The following PDE4D variants were observed in gnomAD, a reference collection of about 807,000 sequenced individuals.
PDE4D encodes phosphodiesterase 4D.
A neutral mutation model predicts 87.4 loss-of-function variants in PDE4D; 24 were observed. The ratio of observed to expected loss-of-function variants is 0.27; its 90% CI spans 0.20 to 0.39. PDE4D has a LOEUF of 0.39. PDE4D is among the 10% of genes least tolerant of loss of function. The probability of loss-of-function intolerance (pLI) is 1.00; values close to 1 mark genes in which losing one functional copy is unlikely to be tolerated. For synonymous variants in PDE4D, 384 were observed against 383.2 expected, an observed-to-expected ratio of 1.00 and a Z score of -0.02; for missense variants, 714 against 1,041.0, an observed-to-expected ratio of 0.69 and a Z score of 4.32.
intron 3 of PDE4D, among the ~76,000 whole-genome samples, chr5:59,981,142 C>T (rs1167917632): frequency 6.6e-6 from 1 of 152,072 alleles, no homozygotes; most frequent in African/African-American, 2.4e-5. Context: ...GTCTCAGCTA[C>T]TTGGGAGGCT....
chr5:59,008,217 T>A (rs1270252134), intron 6 of PDE4D, among the ~76,000 whole-genome samples: 1 of 152,026 alleles, frequency 6.6e-6, no homozygotes, highest in Non-Finnish European at 1.5e-5. Context: ...GAAAAAGTAT[T>A]GTCTCCTTAT....
intron 1 of PDE4D, among the ~76,000 whole-genome samples, chr5:60,431,619 T>C (rs1475440991): frequency 7.1e-6 from 1 of 141,538 alleles, no homozygotes. Context: ...GCTCCTCACG[T>C]CCCAGACGAT....
At chr5:59,486,035 T>A (rs185866584) in intron 1 of PDE4D, among the ~76,000 whole-genome samples, 1 of 152,252 alleles carries the variant, frequency 6.6e-6, no homozygotes, top group East Asian at 1.9e-4. Context: ...TTGTAGAGAA[T>A]GATCAACTCC....
In PDE4D at chr5:58,972,046, TA is replaced by T. The variant is rs1348876306; in HGVS notation, c.*2617del. The T allele has an allele frequency of 6.6e-6, 1 of 152,612 alleles. No individual in the cohort carries two copies. Among genetic ancestry groups the T allele is most frequent in the Non-Finnish European group, 1.5e-5 (1 of 68,040 alleles). The allele number at this position is 152,612 out of a possible 1,614,324, so 9.5% of individuals were successfully genotyped here. A position where few individuals can be genotyped will look rare whatever the true frequency, so the allele number is the denominator to read the frequency against. On this transcript the variant is annotated 3_prime_UTR_variant, in exon 15 of 15. Transcript: ENST00000340635. ...GAGCCTCTCTTTATTAGTGCAGTTA[TA>T]AACCCTTTACCCTTTCAGGTCTGGA...
chr5:59,694,297 C>T (rs1474833810), intron 1 of PDE4D, among the ~76,000 whole-genome samples: 1 of 152,114 alleles, frequency 6.6e-6, no homozygotes, highest in African/African-American at 2.4e-5. Flanking sequence ...GAGTTATACA[C>T]CAGGTTGGCC....
intron 1 of PDE4D, among the ~76,000 whole-genome samples, chr5:59,287,753 A>G (rs1345120578): frequency 6.6e-6 from 1 of 152,156 alleles, no homozygotes; most frequent in African/African-American, 2.4e-5. Context: ...AGACAGACAG[A>G]CAGACTGAGA....
At chr5:59,836,954 A>G (rs1742213989) in intron 1 of PDE4D, among the ~76,000 whole-genome samples, 1 of 151,770 alleles carries the variant, frequency 6.6e-6, no homozygotes, top group South Asian at 2.1e-4. Flanking sequence ...TCTTCCCCCT[A>G]CATTCTGTCT....
chr5:60,518,639 C>T (rs1372224928), intron 1 of PDE4D, among the ~76,000 whole-genome samples: 1 of 152,152 alleles, frequency 6.6e-6, no homozygotes, highest in Admixed American at 6.5e-5. Flanking sequence ...TGCGTGAACT[C>T]CCACAGCCTT....
rs558246830 is a variant in PDE4D at position 59,409,418 on chromosome 5, G to A, written c.456-193450C>T. On this transcript the variant is annotated intron_variant, in intron 1 of 14. Coordinates refer to ENST00000340635, the MANE Select transcript of PDE4D (RefSeq NM_001104631.2). ...CCAAGGGCGGAATGATACAGTTTGGGTGTCCCCTCCAAATCTCATATTGGG... is the reference window on the plus strand; with the variant it reads ...CCAAGGGCGGAATGATACAGTTTGGATGTCCCCTCCAAATCTCATATTGGG... 3.5e-4 allele frequency among the ~76,000 whole-genome samples: 54 copies of A among 152,230 alleles called. No homozygotes were observed. The South Asian group carries it at 5.8e-3, about 16-fold the overall frequency.
At chr5:59,460,547 A>G (rs987623145) in intron 1 of PDE4D, among the ~76,000 whole-genome samples, 4 of 152,192 alleles carry the variant, frequency 2.6e-5, no homozygotes, top group African/African-American at 9.6e-5. Context: ...AACATGACCT[A>G]GATAGCTCAT....
intron 1 of PDE4D, among the ~76,000 whole-genome samples, chr5:60,386,512 C>T (rs1205018730): frequency 6.6e-6 from 1 of 152,192 alleles, no homozygotes; most frequent in Non-Finnish European, 1.5e-5. Context: ...TAATTGCCCT[C>T]CTAAGACTCT....
chr5:60,504,262 A>ATTT (rs5868243), intron 1 of PDE4D, among the ~76,000 whole-genome samples: 3 of 148,844 alleles, frequency 2.0e-5, no homozygotes, highest in South Asian at 2.1e-4. Flanking sequence ...GTCTTTATGC[A>ATTT]TTTTTTTTTT....
At chr5:60,038,270 A>C (rs185242908) in intron 2 of PDE4D, among the ~76,000 whole-genome samples, 1 of 152,296 alleles carries the variant, frequency 6.6e-6, no homozygotes, top group Admixed American at 6.5e-5. Flanking sequence ...CTAATGTTTA[A>C]GTCTGTAATC....
At chr5:59,518,859 C>T (rs888044918) in intron 1 of PDE4D, among the ~76,000 whole-genome samples, 3 of 152,178 alleles carry the variant, frequency 2.0e-5, no homozygotes, top group African/African-American at 7.2e-5. Context: ...TATATCACAA[C>T]TATAAATGGA....
chr5:60,133,525 C>T (rs1339919515), intron 2 of PDE4D, among the ~76,000 whole-genome samples: 3 of 151,948 alleles, frequency 2.0e-5, no homozygotes, highest in African/African-American at 4.8e-5. Flanking sequence ...ATCTATGACA[C>T]AGAGATAACC....
chr5:59,265,511 A>G (rs1360490567), intron 1 of PDE4D, among the ~76,000 whole-genome samples: 1 of 152,078 alleles, frequency 6.6e-6, no homozygotes, highest in Non-Finnish European at 1.5e-5. Flanking sequence ...TCACATTTAG[A>G]GTTCTTGATT....
At chr5:60,141,655 G>C (rs1002388808) in intron 2 of PDE4D, among the ~76,000 whole-genome samples, 1 of 152,090 alleles carries the variant, frequency 6.6e-6, no homozygotes, top group South Asian at 2.1e-4. Context: ...CAGAATTCCT[G>C]CTCAGCAACT....
At chr5:60,393,194 G>A (rs138515084) in intron 1 of PDE4D, among the ~76,000 whole-genome samples, 236 of 152,258 alleles carry the variant, frequency 1.5e-3, no homozygotes, top group Non-Finnish European at 2.3e-3. Context: ...TGAGCCTCAA[G>A]ACACAACCAA....
At chr5:59,755,683 T>TAA (rs200181362) in intron 1 of PDE4D, among the ~76,000 whole-genome samples, 3 of 151,778 alleles carry the variant, frequency 2.0e-5, no homozygotes, top group African/African-American at 7.3e-5. Context: ...TAGAAGGTCA[T>TAA]AAAAAAAATC....
Sources: gnomAD v4.1 joint callset for allele counts (sites outside exome capture counted in the v4.1 genomes callset) on GRCh38, gnomAD v4.1.1 for gene constraint, MANE v1.5 for transcripts, NCBI Gene and HGNC (gene_info 2026-07-23, HGNC 2026-07-21) for gene names.